The following SEMA5A variants were observed in gnomAD, a reference collection of about 807,000 sequenced individuals.
SEMA5A encodes the protein semaphorin-5A.
SEMA5A carries 55 observed loss-of-function variants against 135.5 expected under a neutral mutation model. The observed-to-expected ratio is 0.41, with a 90% CI of 0.33 to 0.51. The LOEUF is 0.51. Ranked by LOEUF, SEMA5A falls within the 20% of genes least tolerant of loss-of-function variation. The pLI is 0.37. For synonymous variants in SEMA5A, 580 were observed against 546.5 expected, an observed-to-expected ratio of 1.06 and a Z score of -0.85; for missense variants, 1,290 against 1,419.9, an observed-to-expected ratio of 0.91 and a Z score of 1.47.
chr5:9,397,010 G>A (rs1756433543), intron 2 of SEMA5A, among the ~76,000 whole-genome samples: 1 of 151,276 alleles, frequency 6.6e-6, no homozygotes, highest in African/African-American at 2.4e-5. Context: ...CTTCTACTGA[G>A]GAAGAGGGAA....
chr5:9,243,647 C>T (rs868166117), intron 5 of SEMA5A, among the ~76,000 whole-genome samples: 2 of 152,098 alleles, frequency 1.3e-5, no homozygotes, highest in Non-Finnish European at 2.9e-5. Context: ...GATGTGCTAG[C>T]TACAGTGCTA....
intron 1 of SEMA5A, among the ~76,000 whole-genome samples, chr5:9,484,236 C>A (rs1454814734): frequency 6.6e-6 from 1 of 152,202 alleles, no homozygotes; most frequent in Non-Finnish European, 1.5e-5. Flanking sequence ...CCTCTGCTAA[C>A]TGAAACTGAA....
rs530568930 is a variant in SEMA5A, at chr5:9,215,007, C to G, written c.646+9667G>C. On this transcript the variant is annotated intron_variant, in intron 8 of 22. Transcript: ENST00000382496. ...AGACATAGGGGCAGGGAGCGATGCA[C>G]AGTGGACAAAGCAGCAGTTCAAGTG... is the stretch of plus-strand genomic sequence containing the variant. Among the ~76,000 whole-genome samples the G allele has an allele frequency of 5.9e-5, 9 of 152,266 alleles. No homozygotes were observed. In the South Asian group the frequency reaches 1.9e-3, roughly 32 times the overall value.
At chr5:9,256,172 A>C (rs2150501518) in intron 5 of SEMA5A, among the ~76,000 whole-genome samples, 1 of 152,306 alleles carries the variant, frequency 6.6e-6, no homozygotes. Flanking sequence ...CTCACCCAAA[A>C]GTATCTTTTT....
intron 5 of SEMA5A, among the ~76,000 whole-genome samples, chr5:9,274,775 G>A (rs1750167160): frequency 2.0e-5 from 3 of 152,124 alleles, no homozygotes; most frequent in Admixed American, 6.5e-5. Flanking sequence ...GATGTTCTTT[G>A]AAACCAATGA....
intron 1 of SEMA5A, among the ~76,000 whole-genome samples, chr5:9,543,937 A>G (rs1192862457): frequency 2.0e-5 from 3 of 152,186 alleles, no homozygotes; most frequent in Non-Finnish European, 4.4e-5. Flanking sequence ...AAATTATTTC[A>G]GTTATACATA....
At chr5:9,353,222 A>G (rs1172398871) in intron 3 of SEMA5A, among the ~76,000 whole-genome samples, 2 of 142,960 alleles carry the variant, frequency 1.4e-5, no homozygotes, top group Non-Finnish European at 1.5e-5. Context: ...AAAGGAAAGG[A>G]AAGGAAAGGA....
At position 9,299,208 on chromosome 5, in the gene SEMA5A, C is replaced by G. The variant is rs1751489641; in HGVS notation, c.270+19164G>C. ...CTTAGAGATCATCTATTCATCTGGTCTAATCCTGTTGGAATGGGGAATCTC... is the reference window on the plus strand; with the variant it reads ...CTTAGAGATCATCTATTCATCTGGTGTAATCCTGTTGGAATGGGGAATCTC... On this transcript the variant is annotated intron_variant, in intron 5 of 22. Transcript: ENST00000382496. Among the ~76,000 whole-genome samples the G allele has an allele frequency of 2.0e-5, 3 of 152,140 alleles. No individual in the cohort carries two copies. The South Asian group carries it at 6.2e-4, about 32-fold the overall frequency.
intron 1 of SEMA5A, among the ~76,000 whole-genome samples, chr5:9,460,304 C>T (rs1354915916): frequency 1.3e-5 from 2 of 152,072 alleles, no homozygotes; most frequent in Admixed American, 1.3e-4. Context: ...CACAGAAATA[C>T]ATTTAATATT....
intron 5 of SEMA5A, among the ~76,000 whole-genome samples, chr5:9,271,814 G>T (rs1267823700): frequency 6.6e-6 from 1 of 152,160 alleles, no homozygotes; most frequent in South Asian, 2.1e-4. Flanking sequence ...ATTAGGGATT[G>T]TACCATGCAC....
At chr5:9,519,375 G>C (rs1269469340) in intron 1 of SEMA5A, among the ~76,000 whole-genome samples, 1 of 152,158 alleles carries the variant, frequency 6.6e-6, no homozygotes, top group Non-Finnish European at 1.5e-5. Flanking sequence ...TCTTCAGATG[G>C]CATCAACAGC....
chr5:9,298,554 G>A (rs1011870149), intron 5 of SEMA5A, among the ~76,000 whole-genome samples: 1 of 152,124 alleles, frequency 6.6e-6, no homozygotes, highest in South Asian at 2.1e-4. Context: ...TATCTTCTAA[G>A]TTTTTTTAAA....
intron 3 of SEMA5A, among the ~76,000 whole-genome samples, chr5:9,350,721 T>C (rs766207180): frequency 6.6e-6 from 1 of 152,256 alleles, no homozygotes; most frequent in Non-Finnish European, 1.5e-5. Context: ...TCTGGGAGAA[T>C]ACAGTGCTGT....
At chr5:9,466,032 G>T (rs911514072) in intron 1 of SEMA5A, among the ~76,000 whole-genome samples, 1 of 152,118 alleles carries the variant, frequency 6.6e-6, no homozygotes, top group South Asian at 2.1e-4. Flanking sequence ...GCTAATTATT[G>T]ACCAAGAAGG....
intron 12 of SEMA5A, among the ~76,000 whole-genome samples, chr5:9,137,800 A>T (rs1485036405): frequency 6.6e-6 from 1 of 152,202 alleles, no homozygotes; most frequent in Non-Finnish European, 1.5e-5. Context: ...TTATAATACA[A>T]AATAATCATT....
intron 4 of SEMA5A, among the ~76,000 whole-genome samples, chr5:9,326,705 T>A (rs115949103): frequency 1.3e-3 from 196 of 152,226 alleles, no homozygotes; most frequent in African/African-American, 4.6e-3. Flanking sequence ...TCCCTGAATG[T>A]GCAAGGTGGA....
intron 14 of SEMA5A, among the ~76,000 whole-genome samples, chr5:9,120,182 C>T (rs917476718): frequency 1.3e-5 from 2 of 152,024 alleles, no homozygotes; most frequent in African/African-American, 4.8e-5. Flanking sequence ...TCTGCAATCA[C>T]ATATGCATTT....
At chr5:9,339,161 C>T (rs565108517) in intron 3 of SEMA5A, among the ~76,000 whole-genome samples, 1 of 152,148 alleles carries the variant, frequency 6.6e-6, no homozygotes, top group East Asian at 1.9e-4. Flanking sequence ...ATTAATAATC[C>T]TTCCAGGACT....
At chr5:9,448,641 T>C (rs1758519821) in intron 1 of SEMA5A, among the ~76,000 whole-genome samples, 1 of 152,250 alleles carries the variant, frequency 6.6e-6, no homozygotes, top group Non-Finnish European at 1.5e-5. Context: ...GTGAAGTTTA[T>C]TTATGAAACT....
Sources: allele counts gnomAD v4.1 joint callset (sites outside exome capture counted in the v4.1 genomes callset), GRCh38; gene constraint gnomAD v4.1.1; transcripts MANE v1.5; gene names NCBI Gene and HGNC (gene_info 2026-07-23, HGNC 2026-07-21).